PTK2B: variants seen among roughly 807,000 people sequenced by gnomAD.
PTK2B encodes protein tyrosine kinase 2 beta.
In PTK2B, 71 loss-of-function variants were observed where a neutral mutation model predicts 142.9. That is an observed-to-expected ratio of 0.50 (90% CI 0.41 to 0.61). The LOEUF is 0.61. PTK2B is among the 20% of genes least tolerant of loss of function. The probability of loss-of-function intolerance (pLI) is 0.00; values close to 1 mark genes in which losing one functional copy is unlikely to be tolerated. For missense variants in PTK2B, 1,105 were observed against 1,320.4 expected (o/e 0.84, Z 2.53); for synonymous variants, 519 against 503.4 (o/e 1.03, Z -0.42).
At chr8:27,426,537 A>G (rs114417893) in intron 5 of PTK2B, among the ~76,000 whole-genome samples, 2,319 of 152,290 alleles carry the variant, frequency 0.015, 79 homozygotes, top group African/African-American at 0.053. Flanking sequence ...GTCTCCCTTG[A>G]GTGATGGTTA....
chr8:27,384,357 A>T (rs903775642), intron 1 of PTK2B, among the ~76,000 whole-genome samples: 2 of 152,178 alleles, frequency 1.3e-5, no homozygotes, highest in African/African-American at 4.8e-5. Flanking sequence ...ACTGGTTTTT[A>T]TATGTTGATT....
chr8:27,422,184 G>C, intron 4 of PTK2B, 120 bp from the exon 5 acceptor site: 1 of 879,610 alleles, frequency 1.1e-6, no homozygotes, highest in Non-Finnish European at 1.7e-6. Context: ...GCTTGTTTGT[G>C]GTGGGGTGGG....
At chr8:27,404,157 G>T (rs899402430) in intron 2 of PTK2B, among the ~76,000 whole-genome samples, 5 of 152,060 alleles carry the variant, frequency 3.3e-5, no homozygotes, top group Admixed American at 6.6e-5. Flanking sequence ...TTCGTCTAAG[G>T]CCCTGCTCTC....
intron 1 of PTK2B, among the ~76,000 whole-genome samples, chr8:27,356,191 A>G (rs1024073347): frequency 1.7e-4 from 26 of 152,122 alleles, no homozygotes; most frequent in Admixed American, 1.6e-3. Flanking sequence ...GCTTCCAGCA[A>G]TGTGTTATGA....
chr8:27,364,088 G>T (rs568907316), intron 1 of PTK2B, among the ~76,000 whole-genome samples: 1 of 152,200 alleles, frequency 6.6e-6, no homozygotes, highest in Non-Finnish European at 1.5e-5. Context: ...CTGCATCAGC[G>T]TCCCGTTTTA....
intron 15 of PTK2B, 87 bp downstream of exon 15, chr8:27,436,435 A>G: frequency 1.5e-6 from 2 of 1,339,202 alleles, no homozygotes; most frequent in East Asian, 4.6e-5. Flanking sequence ...TGGAGTTGGC[A>G]CAGCCTTCAT....
intron 1 of PTK2B, among the ~76,000 whole-genome samples, chr8:27,370,666 T>C (rs1042531228): frequency 6.6e-6 from 1 of 152,072 alleles, no homozygotes; most frequent in Admixed American, 6.6e-5. Flanking sequence ...GGACAGGGAG[T>C]TCCTGGAAAC....
intron 1 of PTK2B, among the ~76,000 whole-genome samples, chr8:27,379,309 A>G (rs142210274): frequency 1.1e-3 from 172 of 152,312 alleles, no homozygotes; most frequent in African/African-American, 3.8e-3. Flanking sequence ...TGGCACAGTC[A>G]TAGCTCACTG....
chr8:27,326,220 GTGTGTA>G (rs1380477345), intron 1 of PTK2B, among the ~76,000 whole-genome samples: 6 of 106,052 alleles, frequency 5.7e-5, no homozygotes, highest in African/African-American at 1.2e-4. Context: ...AGGGGAGCTC[GTGTGTA>G]TGTGTGTGTG....
chr8:27,434,929 G>A (rs1442201660), intron 13 of PTK2B, among the ~76,000 whole-genome samples: 1 of 152,154 alleles, frequency 6.6e-6, no homozygotes, highest in East Asian at 1.9e-4. Flanking sequence ...GAACCTGGAA[G>A]GCGGAGGTTG....
intron 2 of PTK2B, among the ~76,000 whole-genome samples, chr8:27,413,553 A>G (rs151198077): frequency 1.3e-5 from 2 of 152,258 alleles, no homozygotes; most frequent in African/African-American, 4.8e-5. Flanking sequence ...TCATGACTAG[A>G]TCAGGCCACA....
chr8:27,354,704 A>G (rs528936644), intron 1 of PTK2B, among the ~76,000 whole-genome samples: 3 of 152,348 alleles, frequency 2.0e-5, no homozygotes, highest in South Asian at 2.1e-4. Context: ...GTATATGTCA[A>G]TAAATCATTT....
At chr8:27,317,665 T>G (rs1251070600) in intron 3 of PTK2B, among the ~76,000 whole-genome samples, 2 of 152,210 alleles carry the variant, frequency 1.3e-5, no homozygotes, top group Non-Finnish European at 1.5e-5. Flanking sequence ...TGCATGGCAA[T>G]AGACTTTTGA....
chr8:27,453,251 A>G, intron 28 of PTK2B, 91 bp downstream of exon 28: 11 of 1,540,362 alleles, frequency 7.1e-6, no homozygotes, highest in South Asian at 5.6e-5. Context: ...CAGTTCTCAG[A>G]TAGAATCCAG....
At chr8:27,441,981 A>C (rs570609837) in intron 21 of PTK2B, among the ~76,000 whole-genome samples, 3 of 152,152 alleles carry the variant, frequency 2.0e-5, no homozygotes, top group South Asian at 4.1e-4. Context: ...TTCTGGTGTG[A>C]TCTGGAAAAC....
intron 2 of PTK2B, among the ~76,000 whole-genome samples, chr8:27,416,142 C>T (rs1809390071): frequency 6.6e-6 from 1 of 152,210 alleles, no homozygotes; most frequent in African/African-American, 2.4e-5. Flanking sequence ...CACAGTCCCA[C>T]TCATAATGCA....
rs117782670 is a variant in PTK2B, at chr8:27,363,254, C to G, written c.-37-34294C>G. Among the ~76,000 whole-genome samples the G allele has an allele frequency of 1.3e-5, 2 of 152,014 alleles. No individual in the cohort carries two copies. Among genetic ancestry groups the G allele is most frequent in the African/African-American group, 4.8e-5 (2 of 41,390 alleles). ...GAGAGGGGAGCCAGAGAGGACGTCT[C>G]GTGAGAAGTGTTTGGAGGAACTGAG... On this transcript the variant is annotated intron_variant, in intron 1 of 30. Transcript: ENST00000346049. This position sits in a 1 kb window ranked among gnomAD's most constrained non-coding sequence, Gnocchi z 4.3.
At chr8:27,438,051 TGTAAA>T (rs1489914327) in intron 18 of PTK2B, 171 bp downstream of exon 18, 1 of 615,550 alleles carries the variant, frequency 1.6e-6, no homozygotes, top group Non-Finnish European at 2.9e-6. Flanking sequence ...TGTCCTCATC[TGTAAA>T]GTTGCAGGCA....
chr8:27,406,954 G>A (rs1168520128), intron 2 of PTK2B, among the ~76,000 whole-genome samples: 1 of 152,072 alleles, frequency 6.6e-6, no homozygotes, highest in African/African-American at 2.4e-5. Context: ...GACTTTGGGG[G>A]GAAAAATCTG....
Sources: allele counts gnomAD v4.1 joint callset (sites outside exome capture counted in the v4.1 genomes callset), GRCh38; gene constraint gnomAD v4.1.1; non-coding constraint Gnocchi (gnomAD v3.1); transcripts MANE v1.5; gene names NCBI Gene and HGNC (gene_info 2026-07-23, HGNC 2026-07-21).